The following BTBD7 variants were observed in gnomAD, a reference collection of about 807,000 sequenced individuals.
The protein encoded by BTBD7 is BTB/POZ domain-containing protein 7.
BTBD7 carries 38 observed loss-of-function variants against 99.9 expected under a neutral mutation model. The ratio of observed to expected loss-of-function variants is 0.38; its 90% CI spans 0.29 to 0.50. The LOEUF (loss-of-function observed/expected upper bound fraction) is 0.50. BTBD7 is among the 20% of genes least tolerant of loss of function. BTBD7 has a pLI of 0.93. For synonymous variants in BTBD7, 520 were observed against 511.4 expected (o/e 1.02, Z -0.23); for missense variants, 1,170 against 1,394.6 (o/e 0.84, Z 2.57).
At chr14:93,266,909 G>A (rs569090559) in intron 3 of BTBD7, among the ~76,000 whole-genome samples, 9 of 152,318 alleles carry the variant, frequency 5.9e-5, no homozygotes, top group Admixed American at 5.2e-4. Flanking sequence ...GGAAATATGG[G>A]AAAGTTTTCA....
At chr14:93,307,827 G>C (rs1026000004) in intron 1 of BTBD7, among the ~76,000 whole-genome samples, 1 of 152,112 alleles carries the variant, frequency 6.6e-6, no homozygotes, top group African/African-American at 2.4e-5. Flanking sequence ...ACATAATACA[G>C]TACCTGGCAC....
chr14:93,305,012 T>G (rs1013465753), intron 1 of BTBD7, among the ~76,000 whole-genome samples: 1 of 152,166 alleles, frequency 6.6e-6, no homozygotes, highest in Non-Finnish European at 1.5e-5. Context: ...AATTCCAAAC[T>G]GTTAGATCAT....
chr14:93,258,969 A>G (rs2052460130), intron 5 of BTBD7, among the ~76,000 whole-genome samples: 1 of 152,262 alleles, frequency 6.6e-6, no homozygotes. Flanking sequence ...TTTCATCATT[A>G]CCAACTTTAC....
chr14:93,240,772 A>G lies in BTBD7; in HGVS notation c.*1501T>C, dbSNP rs2052216456. The G allele has an allele frequency of 1.3e-5, 2 of 152,646 alleles. No individual in the cohort carries two copies. Among genetic ancestry groups the G allele is most frequent in the South Asian group, 4.1e-4 (2 of 4,836 alleles). The allele number at this position is 152,646 out of a possible 1,614,324, so 9.5% of individuals were successfully genotyped here. On this transcript the variant is annotated 3_prime_UTR_variant, in exon 11 of 11. Transcript: ENST00000334746. ...TCCTTAGCTCACACATTGCCCTTCCAAGGGAGAGGATCCTGAAAGACCCCA... is the reference window on the plus strand; with the variant it reads ...TCCTTAGCTCACACATTGCCCTTCCGAGGGAGAGGATCCTGAAAGACCCCA...
chr14:93,261,803 G>T, intron 4 of BTBD7, 126 bp from the exon 5 acceptor site: 1 of 679,882 alleles, frequency 1.5e-6, no homozygotes, highest in Non-Finnish European at 2.5e-6. Context: ...TCCATTGGCT[G>T]TTTGAAGTTT....
At chr14:93,300,789 T>A (rs1340736897) in intron 1 of BTBD7, among the ~76,000 whole-genome samples, 1 of 142,828 alleles carries the variant, frequency 7.0e-6, no homozygotes, top group East Asian at 2.1e-4. Flanking sequence ...TATATATATT[T>A]TTTTTTTGTA....
At chr14:93,322,450 G>A (rs1047253310) in intron 1 of BTBD7, among the ~76,000 whole-genome samples, 1 of 152,024 alleles carries the variant, frequency 6.6e-6, no homozygotes, top group Admixed American at 6.5e-5. Context: ...TACACTATAT[G>A]CTTAAACATA....
intron 7 of BTBD7, 109 bp downstream of exon 7, chr14:93,253,538 T>C (rs928471246): frequency 2.0e-6 from 2 of 982,812 alleles, no homozygotes; most frequent in Admixed American, 2.9e-5. Flanking sequence ...TTTTCCCTAT[T>C]GTTGAAAATA....
intron 3 of BTBD7, among the ~76,000 whole-genome samples, chr14:93,266,032 C>T (rs1324260967): frequency 6.6e-6 from 1 of 152,168 alleles, no homozygotes; most frequent in African/African-American, 2.4e-5. Context: ...CACTGCATAG[C>T]AGAATCATAA....
chr14:93,326,769 G>A (rs1281425468), intron 1 of BTBD7, among the ~76,000 whole-genome samples: 3 of 149,192 alleles, frequency 2.0e-5, no homozygotes, highest in Non-Finnish European at 4.4e-5. Context: ...ACGCCATTGC[G>A]CTCCAGCCTG....
intron 2 of BTBD7, 147 bp from the exon 3 acceptor site, chr14:93,295,084 G>A (rs568349773): frequency 3.9e-6 from 3 of 766,176 alleles, no homozygotes; most frequent in Non-Finnish European, 5.9e-6. Context: ...AAGACAAAAA[G>A]TTCAATTAAC....
chr14:93,332,849 C>T lies in BTBD7; in HGVS notation c.-136G>A, dbSNP rs1226151917. On this transcript the variant is annotated 5_prime_UTR_variant, in exon 1 of 11. Transcript: ENST00000334746. ...GAGGCTCCTCCCGCCGCTGCTGCTGCCGCTGGGACCGCTGCCGTCGCCTCC... is the reference window on the plus strand; with the variant it reads ...GAGGCTCCTCCCGCCGCTGCTGCTGTCGCTGGGACCGCTGCCGTCGCCTCC... 6 of 1,477,410 alleles carry T rather than the reference C, an allele frequency of 4.1e-6. No homozygotes were observed. The Admixed American group carries it at 1.2e-4, about 29-fold the overall frequency. 91.5% of individuals were successfully genotyped at this position (1,477,410 alleles called of 1,614,324 possible).
chr14:93,262,628 GA>G (rs1236782986), intron 4 of BTBD7, among the ~76,000 whole-genome samples: 2 of 152,132 alleles, frequency 1.3e-5, no homozygotes, highest in African/African-American at 4.8e-5. Context: ...GGAGGGACAG[GA>G]AAAACAAGTC....
rs200233888 is a variant in BTBD7, at chr14:93,318,346, G to A, written c.-107+14474C>T. On this transcript the variant is annotated intron_variant, in intron 1 of 10. Coordinates refer to ENST00000334746, the MANE Select transcript of BTBD7 (RefSeq NM_001002860.4). ...TGGTTATGATTGGGAAGAGGCATGA[G>A]GGGGGCTTTTGGAATACTTACAGTG... Among the ~76,000 whole-genome samples, 4 of 152,180 alleles carry A rather than the reference G, an allele frequency of 2.6e-5. No individual in the cohort carries two copies. In the South Asian group the frequency reaches 8.3e-4, roughly 32 times the overall value.
intron 3 of BTBD7, among the ~76,000 whole-genome samples, chr14:93,292,640 T>C (rs2052872266): frequency 6.6e-6 from 1 of 152,204 alleles, no homozygotes. Flanking sequence ...GTTCCCATTT[T>C]ATTACTGAGA....
intron 1 of BTBD7, among the ~76,000 whole-genome samples, chr14:93,303,772 CAGA>C (rs559337227): frequency 1.9e-3 from 284 of 152,340 alleles, no homozygotes; most frequent in African/African-American, 6.5e-3. Flanking sequence ...CCTACAACCT[CAGA>C]AGAAGATCCT....
intron 3 of BTBD7, among the ~76,000 whole-genome samples, chr14:93,286,437 C>T (rs1175569469): frequency 6.6e-6 from 1 of 152,188 alleles, no homozygotes; most frequent in East Asian, 1.9e-4. Flanking sequence ...AGATCCCTGA[C>T]CCTACAGCTT....
At chr14:93,276,004 C>A (rs1421655728) in intron 3 of BTBD7, among the ~76,000 whole-genome samples, 1 of 152,020 alleles carries the variant, frequency 6.6e-6, no homozygotes, top group African/African-American at 2.4e-5. Context: ...CTTTTGAGCC[C>A]AGGAGTCCAA....
At chr14:93,279,771 T>C (rs974146682) in intron 3 of BTBD7, among the ~76,000 whole-genome samples, 11 of 152,132 alleles carry the variant, frequency 7.2e-5, no homozygotes, top group African/African-American at 2.4e-4. Flanking sequence ...TGATGGACTA[T>C]CATTTTCATT....
Sources: allele counts gnomAD v4.1 joint callset (sites outside exome capture counted in the v4.1 genomes callset), GRCh38; gene constraint gnomAD v4.1.1; transcripts MANE v1.5; gene names NCBI Gene and HGNC (gene_info 2026-07-23, HGNC 2026-07-21).